The following SSBP2 variants were observed in gnomAD, a reference collection of about 807,000 sequenced individuals.
The protein encoded by SSBP2 is single stranded DNA binding protein 2, also known as single-stranded DNA-binding protein 2.
SSBP2 carries 17 observed loss-of-function variants against 61.8 expected under a neutral mutation model. The ratio of observed to expected loss-of-function variants is 0.28; its 90% CI spans 0.19 to 0.41. The LOEUF is 0.41. SSBP2 is among the 10% of genes least tolerant of loss of function. The pLI, the probability that SSBP2 is intolerant of heterozygous loss-of-function variation, is 1.00. For synonymous variants in SSBP2, 139 were observed against 141.3 expected (o/e 0.98, Z 0.12); for missense variants, 310 against 458.7 (o/e 0.68, Z 2.96).
intron 3 of SSBP2, among the ~76,000 whole-genome samples, chr5:81,632,077 T>G (rs1174279797): frequency 6.6e-6 from 1 of 152,150 alleles, no homozygotes; most frequent in Non-Finnish European, 1.5e-5. Flanking sequence ...CCAACCATAT[T>G]AAAACAAATT....
At chr5:81,665,834 C>T (rs1187118898) in intron 1 of SSBP2, among the ~76,000 whole-genome samples, 1 of 152,144 alleles carries the variant, frequency 6.6e-6, no homozygotes, top group Admixed American at 6.5e-5. Context: ...AGAAAAGAAC[C>T]TCTCTTATTC....
At chr5:81,536,104 T>G (rs1457812772) in intron 4 of SSBP2, among the ~76,000 whole-genome samples, 1 of 152,050 alleles carries the variant, frequency 6.6e-6, no homozygotes. Flanking sequence ...GCAAAGGAGA[T>G]ATACAGATGG....
intron 4 of SSBP2, among the ~76,000 whole-genome samples, chr5:81,584,248 T>C (rs1774899536): frequency 6.6e-6 from 1 of 152,186 alleles, no homozygotes; most frequent in Non-Finnish European, 1.5e-5. Context: ...CAGATAATTA[T>C]ACTTTAACTG....
chr5:81,422,554 C>T (rs1368983381), intron 16 of SSBP2, among the ~76,000 whole-genome samples: 1 of 152,084 alleles, frequency 6.6e-6, no homozygotes, highest in African/African-American at 2.4e-5. Context: ...CACTTCACAG[C>T]CTACAGAGTT....
chr5:81,538,395 G>C (rs1435506713), intron 4 of SSBP2, among the ~76,000 whole-genome samples: 1 of 152,136 alleles, frequency 6.6e-6, no homozygotes, highest in African/African-American at 2.4e-5. Context: ...GAAGGAAGCT[G>C]TCTTTAGAAC....
intron 1 of SSBP2, among the ~76,000 whole-genome samples, chr5:81,653,075 C>A (rs1264208863): frequency 6.6e-6 from 1 of 151,966 alleles, no homozygotes; most frequent in South Asian, 2.1e-4. Context: ...TTAGGTATTT[C>A]TCCTAATGCT....
At chr5:81,659,464 G>A (rs907071572) in intron 1 of SSBP2, among the ~76,000 whole-genome samples, 2 of 152,218 alleles carry the variant, frequency 1.3e-5, no homozygotes, top group East Asian at 3.9e-4. Flanking sequence ...TACAAGGGAT[G>A]TGAAGGACCT....
chr5:81,546,636 A>T (rs1771748087), intron 4 of SSBP2, among the ~76,000 whole-genome samples: 1 of 152,144 alleles, frequency 6.6e-6, no homozygotes. Context: ...TCCAAAGATA[A>T]AACTACTAGT....
At chr5:81,456,348 G>GT (rs1185488132) in intron 10 of SSBP2, among the ~76,000 whole-genome samples, 3 of 135,928 alleles carry the variant, frequency 2.2e-5, no homozygotes, top group Non-Finnish European at 4.8e-5. Flanking sequence ...AACTATTTCT[G>GT]CCTTTTTTTT....
chr5:81,576,673 A>T (rs55642291), intron 4 of SSBP2, among the ~76,000 whole-genome samples: 1 of 152,074 alleles, frequency 6.6e-6, no homozygotes, highest in Non-Finnish European at 1.5e-5. Flanking sequence ...AAGAAACTTT[A>T]CCAAATACTG....
At chr5:81,489,406 C>A in intron 5 of SSBP2, 97 bp from the exon 6 acceptor site, 1 of 996,346 alleles carries the variant, frequency 1.0e-6, no homozygotes, top group South Asian at 1.7e-5. Context: ...TAGAATTAAT[C>A]AAATCACAAA....
intron 4 of SSBP2, among the ~76,000 whole-genome samples, chr5:81,571,968 A>G (rs1773873438): frequency 6.6e-6 from 1 of 152,166 alleles, no homozygotes; most frequent in Non-Finnish European, 1.5e-5. Context: ...CTTCTACCTC[A>G]GTGAAACTGA....
At chr5:81,594,647 A>T (rs1469807916) in intron 4 of SSBP2, among the ~76,000 whole-genome samples, 1 of 152,256 alleles carries the variant, frequency 6.6e-6, no homozygotes, top group Non-Finnish European at 1.5e-5. Context: ...ACTGTCTCTC[A>T]GACCACAGTG....
intron 7 of SSBP2, 30 bp from the exon 8 acceptor site, chr5:81,473,800 T>C (rs747079556): frequency 1.3e-6 from 2 of 1,599,092 alleles, no homozygotes; most frequent in African/African-American, 1.3e-5. Context: ...ATTAGCAAAG[T>C]AATGAGCATG....
chr5:81,472,559 C>G (rs904738460), intron 8 of SSBP2, among the ~76,000 whole-genome samples: 1 of 152,120 alleles, frequency 6.6e-6, no homozygotes, highest in East Asian at 1.9e-4. Context: ...ATATTTTATA[C>G]TTACTCTTTA....
chr5:81,562,802 C>T (rs1453686351), intron 4 of SSBP2, among the ~76,000 whole-genome samples: 2 of 151,960 alleles, frequency 1.3e-5, no homozygotes, highest in African/African-American at 4.8e-5. Flanking sequence ...AACTATACCA[C>T]AAAAATATCA....
intron 6 of SSBP2, among the ~76,000 whole-genome samples, chr5:81,479,079 T>A (rs1321731268): frequency 6.6e-6 from 1 of 152,216 alleles, no homozygotes; most frequent in East Asian, 1.9e-4. Context: ...TTAGAATAAG[T>A]CAAGTCTCTA....
At chr5:81,742,673 C>T (rs1259727459) in intron 1 of SSBP2, among the ~76,000 whole-genome samples, 6 of 151,952 alleles carry the variant, frequency 3.9e-5, no homozygotes, top group Admixed American at 2.0e-4. Flanking sequence ...GTCAGGAGTT[C>T]GCGCCCAGCC....
intron 4 of SSBP2, among the ~76,000 whole-genome samples, chr5:81,614,149 A>T (rs948445481): frequency 6.6e-6 from 1 of 152,080 alleles, no homozygotes; most frequent in African/African-American, 2.4e-5. Context: ...TCACGAGGTC[A>T]GGAGATCGAG....
Sources: allele counts gnomAD v4.1 joint callset (sites outside exome capture counted in the v4.1 genomes callset), GRCh38; gene constraint gnomAD v4.1.1; transcripts MANE v1.5; gene names NCBI Gene and HGNC (gene_info 2026-07-23, HGNC 2026-07-21).